The following PPM1E variants were observed in gnomAD, a reference collection of about 807,000 sequenced individuals.
PPM1E encodes the protein protein phosphatase 1E.
In PPM1E, 20 loss-of-function variants were observed where a neutral mutation model predicts 65.9. That is an observed-to-expected ratio of 0.30 (90% CI 0.21 to 0.44). The LOEUF (loss-of-function observed/expected upper bound fraction) is 0.44, where lower values mean the gene tolerates loss of function less well. Ranked by LOEUF, PPM1E falls within the 20% of genes least tolerant of loss-of-function variation. The pLI, the probability that PPM1E is intolerant of heterozygous loss-of-function variation, is 1.00. For missense variants in PPM1E, 713 were observed against 953.1 expected (o/e 0.75, Z 3.32); for synonymous variants, 352 against 374.9 (o/e 0.94, Z 0.70).
chr17:58,915,364 C>T (rs1310219461), intron 1 of PPM1E, among the ~76,000 whole-genome samples: 2 of 152,156 alleles, frequency 1.3e-5, no homozygotes, highest in African/African-American at 4.8e-5. Flanking sequence ...ATGAGGATGA[C>T]CAGAGGTCGC....
At chr17:58,914,294 T>TGTA (rs1271091753) in intron 1 of PPM1E, among the ~76,000 whole-genome samples, 11 of 152,196 alleles carry the variant, frequency 7.2e-5, no homozygotes, top group Non-Finnish European at 1.5e-4. Flanking sequence ...AGACTTACCT[T>TGTA]GTATTTCATC....
chr17:58,755,909 T>C lies in PPM1E; in HGVS notation c.-89T>C, dbSNP rs2049753306. On this transcript the variant is annotated 5_prime_UTR_variant, in exon 1 of 7. Transcript: ENST00000308249. Reference sequence around the variant, plus strand: ...TGCCGGTGCGGCCGTTAACCGCCCTTGCCGGAGCCCTAGGCTCAAAAGCAG... The same window carrying C: ...TGCCGGTGCGGCCGTTAACCGCCCTCGCCGGAGCCCTAGGCTCAAAAGCAG... 6.4e-7 allele frequency: 1 copy of C among 1,564,126 alleles called. No homozygotes were observed. The highest frequency in any genetic ancestry group is 8.7e-7 in the Non-Finnish European group (1 of 1,155,910).
chr17:58,758,249 G>A (rs994885381), intron 1 of PPM1E, among the ~76,000 whole-genome samples: 18 of 151,734 alleles, frequency 1.2e-4, no homozygotes, highest in African/African-American at 3.6e-4. Flanking sequence ...ATATAGAAGC[G>A]GCCAGGAGCG....
At chr17:58,880,866 A>G (rs1656967511) in intron 1 of PPM1E, among the ~76,000 whole-genome samples, 1 of 151,930 alleles carries the variant, frequency 6.6e-6, no homozygotes, top group Non-Finnish European at 1.5e-5. Context: ...GAGCTCAAGC[A>G]ATTTTTTTTT....
chr17:58,938,326 C>T (rs1010309904), intron 1 of PPM1E, among the ~76,000 whole-genome samples: 2 of 152,120 alleles, frequency 1.3e-5, no homozygotes, highest in African/African-American at 4.8e-5. Flanking sequence ...TAGAACCCAC[C>T]TTTCTAACTC....
At chr17:58,839,806 G>A (rs1378630451) in intron 1 of PPM1E, among the ~76,000 whole-genome samples, 2 of 152,258 alleles carry the variant, frequency 1.3e-5, no homozygotes, top group South Asian at 2.1e-4. Flanking sequence ...ATGGATTAAC[G>A]TTGAGGATAC....
chr17:58,898,441 A>C (rs982029823), intron 1 of PPM1E, among the ~76,000 whole-genome samples: 10 of 152,166 alleles, frequency 6.6e-5, no homozygotes, highest in Non-Finnish European at 1.0e-4. Flanking sequence ...GAGAAATGCA[A>C]ATCAAAACCA....
intron 1 of PPM1E, among the ~76,000 whole-genome samples, chr17:58,808,931 T>G (rs1208410032): frequency 6.6e-6 from 1 of 152,084 alleles, no homozygotes; most frequent in Non-Finnish European, 1.5e-5. Flanking sequence ...GAACAATGAC[T>G]CTCAAACAAC....
At chr17:58,923,896 AG>A (rs1318115119) in intron 1 of PPM1E, among the ~76,000 whole-genome samples, 1 of 149,128 alleles carries the variant, frequency 6.7e-6, no homozygotes, top group East Asian at 2.0e-4. Context: ...CCTGGGCAAC[AG>A]AGAAAGACCC....
intron 1 of PPM1E, among the ~76,000 whole-genome samples, chr17:58,884,923 G>A (rs182598641): frequency 6.6e-6 from 1 of 152,056 alleles, no homozygotes; most frequent in East Asian, 1.9e-4. Context: ...TAGAACTCCT[G>A]TTAGTAAAAT....
At chr17:58,784,239 T>C (rs1478863853) in intron 1 of PPM1E, among the ~76,000 whole-genome samples, 2 of 151,930 alleles carry the variant, frequency 1.3e-5, no homozygotes, top group African/African-American at 2.4e-5. Context: ...GCCAGGCTGG[T>C]CTCGAACTCC....
chr17:58,889,580 AG>A (rs2051321186), intron 1 of PPM1E, among the ~76,000 whole-genome samples: 1 of 152,166 alleles, frequency 6.6e-6, no homozygotes, highest in Admixed American at 6.6e-5. Context: ...GCCTGGCAAT[AG>A]ATCGAGACTC....
chr17:58,830,114 G>T (rs1395890275), intron 1 of PPM1E, among the ~76,000 whole-genome samples: 4 of 152,020 alleles, frequency 2.6e-5, no homozygotes, highest in African/African-American at 4.8e-5. Flanking sequence ...GTTTGAGGCT[G>T]CAATGAACTC....
In PPM1E at chr17:58,879,500, AC is replaced by A. The variant is rs1232680146; in HGVS notation, c.465-76148del. 8.0e-5 allele frequency among the ~76,000 whole-genome samples: 10 copies of A among 124,460 alleles called. No homozygotes were observed. In the East Asian group the frequency reaches 2.6e-3, roughly 32 times the overall value. 81.7% of individuals were successfully genotyped at this position (124,460 alleles called of 152,430 possible). ...AAAAAAAGATTAGGTGCTGAGATTA[AC>A]TTTTTTTTTTTTTTTTTTTTTTTTT... is the stretch of plus-strand genomic sequence containing the variant. On this transcript the variant is annotated intron_variant, in intron 1 of 6. Coordinates refer to ENST00000308249, the MANE Select transcript of PPM1E (RefSeq NM_014906.5).
intron 1 of PPM1E, among the ~76,000 whole-genome samples, chr17:58,805,714 C>T (rs1016478646): frequency 2.0e-5 from 3 of 151,830 alleles, no homozygotes; most frequent in African/African-American, 4.8e-5. Context: ...AGAAAGTCAT[C>T]ATACTAGTAG....
intron 4 of PPM1E, among the ~76,000 whole-genome samples, chr17:58,971,161 T>G (rs1441705431): frequency 6.6e-6 from 1 of 152,140 alleles, no homozygotes; most frequent in East Asian, 1.9e-4. Context: ...CAGCCCTGCC[T>G]CCTGTTCTCT....
At chr17:58,901,292 A>G (rs2051495325) in intron 1 of PPM1E, among the ~76,000 whole-genome samples, 1 of 152,262 alleles carries the variant, frequency 6.6e-6, no homozygotes. Flanking sequence ...ATCAATAGTC[A>G]GGAAACTAAA....
rs1567904775 is a variant in PPM1E at position 58,983,733 on chromosome 17, A to G, written c.*2702A>G. On this transcript the variant is annotated 3_prime_UTR_variant, in exon 7 of 7. Transcript: ENST00000308249. ...AATTTAGTGGTGGTGAAAGTTCTAC[A>G]CTCAATCCTTAAAGAGTGGCAGTAT... The G allele has an allele frequency of 6.6e-6, 1 of 152,628 alleles. No homozygotes were observed. Among genetic ancestry groups the G allele is most frequent in the Non-Finnish European group, 1.5e-5 (1 of 68,038 alleles). The allele number at this position is 152,628 out of a possible 1,614,324, so 9.5% of individuals were successfully genotyped here.
At chr17:58,958,044 G>A (rs866879153) in intron 2 of PPM1E, among the ~76,000 whole-genome samples, 1 of 152,116 alleles carries the variant, frequency 6.6e-6, no homozygotes, top group Admixed American at 6.6e-5. Context: ...TTGGGAGGCT[G>A]AGGTAGGAGA....
Sources: allele counts gnomAD v4.1 joint callset (sites outside exome capture counted in the v4.1 genomes callset), GRCh38; gene constraint gnomAD v4.1.1; transcripts MANE v1.5; gene names NCBI Gene and HGNC (gene_info 2026-07-23, HGNC 2026-07-21).